The following DGKD variants were observed in gnomAD, a reference collection of about 807,000 sequenced individuals.
DGKD encodes the protein diacylglycerol kinase delta, also known as DAG kinase delta.
DGKD carries 68 observed loss-of-function variants against 154.4 expected under a neutral mutation model. The observed-to-expected ratio is 0.44, with a 90% CI of 0.36 to 0.54. DGKD has a LOEUF of 0.54. Ranked by LOEUF, DGKD falls within the 20% of genes least tolerant of loss-of-function variation. The pLI, the probability that DGKD is intolerant of heterozygous loss-of-function variation, is 0.00. For missense variants in DGKD, 1,343 were observed against 1,593.6 expected, an observed-to-expected ratio of 0.84 and a Z score of 2.68; for synonymous variants, 693 against 638.0, an observed-to-expected ratio of 1.09 and a Z score of -1.30.
intron 3 of DGKD, among the ~76,000 whole-genome samples, chr2:233,427,130 C>T (rs1157884505): frequency 1.3e-5 from 2 of 152,090 alleles, no homozygotes; most frequent in East Asian, 1.9e-4. Flanking sequence ...ACCATTTTAT[C>T]CACTCCTCCT....
At chr2:233,401,875 G>A (rs909202235) in intron 3 of DGKD, among the ~76,000 whole-genome samples, 3 of 129,192 alleles carry the variant, frequency 2.3e-5, no homozygotes, top group Non-Finnish European at 4.6e-5. Context: ...AGCTGAGATC[G>A]CATCATTTCA....
chr2:233,400,961 C>CT (rs1464337219), intron 3 of DGKD, among the ~76,000 whole-genome samples: 1 of 152,142 alleles, frequency 6.6e-6, no homozygotes, highest in African/African-American at 2.4e-5. Context: ...ATCAGGGACT[C>CT]TGTCTTTGAA....
intron 1 of DGKD, among the ~76,000 whole-genome samples, chr2:233,361,283 C>T (rs147490074): frequency 2.0e-5 from 3 of 152,344 alleles, no homozygotes; most frequent in Non-Finnish European, 4.4e-5. Context: ...CTTCAAATCA[C>T]CTCAGTCCTC....
chr2:233,426,873 A>G (rs1489547739), intron 3 of DGKD, among the ~76,000 whole-genome samples: 1 of 152,212 alleles, frequency 6.6e-6, no homozygotes, highest in Non-Finnish European at 1.5e-5. Context: ...ATTGTGAGAG[A>G]TGCATCACCC....
intron 3 of DGKD, among the ~76,000 whole-genome samples, chr2:233,393,055 T>A (rs1018697854): frequency 6.6e-6 from 1 of 152,240 alleles, no homozygotes; most frequent in African/African-American, 2.4e-5. Context: ...CTTGCTCTGT[T>A]GCCCAGGCTG....
At chr2:233,421,385 G>C (rs2062108523) in intron 3 of DGKD, among the ~76,000 whole-genome samples, 1 of 152,190 alleles carries the variant, frequency 6.6e-6, no homozygotes. Flanking sequence ...TGGGGTTACT[G>C]AGGAGCCTCC....
intron 1 of DGKD, among the ~76,000 whole-genome samples, chr2:233,368,540 A>T (rs1467875754): frequency 6.6e-6 from 1 of 152,148 alleles, no homozygotes; most frequent in Non-Finnish European, 1.5e-5. Context: ...ATATTTGCTC[A>T]CTTCAACCGA....
chr2:233,449,136 C>A lies in DGKD; in HGVS notation c.1648C>A (p.Leu550Ile), dbSNP rs767869904. The A allele has an allele frequency of 1.5e-4, 234 of 1,606,182 alleles. No homozygotes were observed. The highest frequency in any genetic ancestry group is 1.9e-4 in the Non-Finnish European group (228 of 1,173,910). The change falls in exon 15 of 30, where the codon CTC (leucine) becomes ATC (isoleucine). Residue 550 changes from leucine to isoleucine, a missense_variant. Around this residue, in one of 6 missense-constraint regions of DGKD, gnomAD observed 409 missense variants for 446.0 expected, o/e 0.92. Coordinates refer to ENST00000264057, the MANE Select transcript of DGKD (RefSeq NM_152879.3). This position sits in a 1 kb window ranked among gnomAD's most constrained non-coding sequence, Gnocchi z 5.3. ...CCTGAAAGAGAAGCTGGATTCCCTTCTCAAGACCTTGGACGATGAGTCCCA... is the reference window on the plus strand; with the variant it reads ...CCTGAAAGAGAAGCTGGATTCCCTTATCAAGACCTTGGACGATGAGTCCCA... ...SVLKEKLDSLLKTLDDESQAS... is the reference protein window; with the variant it reads ...SVLKEKLDSLIKTLDDESQAS...
chr2:233,457,684 A>G lies in DGKD; in HGVS notation c.2580+356A>G. ...GAGAGGGGGAGGCTGTTCCAGGCAGAGAGAATTGCACAGATGAAGGCTCAG... is the reference window on the plus strand; with the variant it reads ...GAGAGGGGGAGGCTGTTCCAGGCAGGGAGAATTGCACAGATGAAGGCTCAG... On this transcript the variant is annotated intron_variant, in intron 21 of 29. Coordinates refer to ENST00000264057, the MANE Select transcript of DGKD (RefSeq NM_152879.3). The surrounding 1 kb of genome is among the most constrained non-coding windows in gnomAD (Gnocchi z 5.5). The G allele has an allele frequency of 2.3e-6, 1 of 432,784 alleles. No homozygotes were observed. Among genetic ancestry groups the G allele is most frequent in the Non-Finnish European group, 4.6e-6 (1 of 217,692 alleles). The allele number at this position is 432,784 out of a possible 1,614,324, so 26.8% of individuals were successfully genotyped here. A position where few individuals can be genotyped will look rare whatever the true frequency, so the allele number is the denominator to read the frequency against.
At chr2:233,365,232 CTT>C (rs200215730) in intron 1 of DGKD, among the ~76,000 whole-genome samples, 9 of 143,262 alleles carry the variant, frequency 6.3e-5, no homozygotes, top group Admixed American at 2.1e-4. Context: ...AAGAACGGAA[CTT>C]TTTTTTTTTT....
intron 3 of DGKD, among the ~76,000 whole-genome samples, chr2:233,408,549 A>G (rs549135027): frequency 6.6e-5 from 10 of 152,130 alleles, no homozygotes; most frequent in African/African-American, 2.2e-4. Context: ...GCCTGCCTCT[A>G]TTTCTGCTCA....
At chr2:233,425,282 G>A (rs1369892391) in intron 3 of DGKD, among the ~76,000 whole-genome samples, 1 of 152,102 alleles carries the variant, frequency 6.6e-6, no homozygotes, top group Non-Finnish European at 1.5e-5. Context: ...CACCTGCCGG[G>A]TTCACGCCAT....
In DGKD at chr2:233,449,178, C is replaced by T; in HGVS notation, c.1690C>T (p.Pro564Ser). 1 of 1,613,642 alleles carries T rather than the reference C, an allele frequency of 6.2e-7. No homozygotes were observed. Among genetic ancestry groups the T allele is most frequent in the Non-Finnish European group, 8.5e-7 (1 of 1,179,896 alleles). ...TGAGTCCCAGGCCTCGTCCTCTCTG[C>T]CCAACCCGCCCCCCACCATTGCCGA... is the stretch of plus-strand genomic sequence containing the variant. ...DDESQASSSL[P>S]NPPPTIAEEA... Residue 564 changes from proline (P) to serine (S), a missense_variant, in exon 15 of 30, where the codon CCC becomes TCC. Physicochemically the swap from Pro to Ser is moderately conservative, Grantham distance 74. This residue lies in a region of DGKD where 409 missense variants were observed against 446.0 expected (regional missense o/e 0.92). Transcript: ENST00000264057. This position sits in a 1 kb window ranked among gnomAD's most constrained non-coding sequence, Gnocchi z 5.3.
chr2:233,394,688 TC>T (rs760258457), intron 3 of DGKD, among the ~76,000 whole-genome samples: 5,719 of 78,490 alleles, frequency 0.073, 1,458 homozygotes, highest in African/African-American at 0.14. Context: ...TGAATTTAAT[TC>T]CCTTTTTTTT....
chr2:233,362,590 G>T (rs1178637971), intron 1 of DGKD, among the ~76,000 whole-genome samples: 1 of 152,182 alleles, frequency 6.6e-6, no homozygotes, highest in Non-Finnish European at 1.5e-5. Flanking sequence ...AGTGGAAGTT[G>T]CAGTGAGCTG....
In DGKD at chr2:233,437,342, A is replaced by G. The variant is rs527912860; in HGVS notation, c.820-35A>G. 99 of 1,590,656 alleles carry G rather than the reference A, an allele frequency of 6.2e-5. 1 individual carries two copies. The South Asian group carries it at 1.1e-3, about 17-fold the overall frequency. On this transcript the variant is annotated intron_variant, in intron 7 of 29. Transcript: ENST00000264057. ...ATTTCTGGTGTGTGTGAAGGATGCCAGTGACCCTTGGTGACGCGGGGACTC... is the reference window on the plus strand; with the variant it reads ...ATTTCTGGTGTGTGTGAAGGATGCCGGTGACCCTTGGTGACGCGGGGACTC...
At chr2:233,380,615 G>A (rs1475606992) in intron 1 of DGKD, among the ~76,000 whole-genome samples, 3 of 152,102 alleles carry the variant, frequency 2.0e-5, no homozygotes, top group Non-Finnish European at 2.9e-5. Context: ...AAGGTCCCCC[G>A]CGACCACCAC....
At position 233,470,337 on chromosome 2, in the gene DGKD, C is replaced by G. The variant is rs563914702; in HGVS notation, c.*877C>G. ...GGAAATGCTTCCTGGCTCTGGGAAA[C>G]TTTTTCTGCCCATTCTGTGGTTCCC... On this transcript the variant is annotated 3_prime_UTR_variant, in exon 30 of 30. Transcript: ENST00000264057. 6.6e-6 allele frequency: 1 copy of G among 152,484 alleles called. No homozygotes were observed. The highest frequency in any genetic ancestry group is 1.9e-4 in the East Asian group (1 of 5,320). 9.4% of individuals were successfully genotyped at this position (152,484 alleles called of 1,614,324 possible). A position where few individuals can be genotyped will look rare whatever the true frequency, so the allele number is the denominator to read the frequency against.
intron 5 of DGKD, 144 bp from the exon 6 acceptor site, chr2:233,435,674 C>CA: frequency 1.6e-6 from 1 of 627,892 alleles, no homozygotes; most frequent in Non-Finnish European, 2.6e-6. Context: ...CTAAGCGTAT[C>CA]ACAGTAGTTC....
Sources: gnomAD v4.1 joint callset for allele counts (sites outside exome capture counted in the v4.1 genomes callset) on GRCh38, gnomAD v4.1.1 for gene constraint, gnomAD v4.1.1 regional missense constraint, Gnocchi (gnomAD v3.1) non-coding constraint, MANE v1.5 for transcripts, NCBI Gene and HGNC (gene_info 2026-07-23, HGNC 2026-07-21) for gene names.